NRP2: variants seen among roughly 807,000 people sequenced by gnomAD.
The protein encoded by NRP2 is neuropilin-2.
Under a neutral mutation model 110.4 loss-of-function variants are expected in NRP2, and 52 were observed. The ratio of observed to expected loss-of-function variants is 0.47; its 90% CI spans 0.38 to 0.59. The LOEUF (loss-of-function observed/expected upper bound fraction) is 0.59, where lower values mean the gene tolerates loss of function less well. Ranked by LOEUF, NRP2 falls within the 20% of genes least tolerant of loss-of-function variation. NRP2 has a pLI of 0.00. For missense variants in NRP2, 1,049 were observed against 1,203.0 expected (o/e 0.87, Z 1.89); for synonymous variants, 508 against 468.9 (o/e 1.08, Z -1.08).
intron 12 of NRP2, among the ~76,000 whole-genome samples, chr2:205,754,081 A>G (rs918595210): frequency 6.6e-6 from 1 of 152,242 alleles, no homozygotes; most frequent in Non-Finnish European, 1.5e-5. Flanking sequence ...AAGCTGGTAC[A>G]CCTTGGATCT....
At chr2:205,758,737 G>T (rs1559352666) in intron 12 of NRP2, among the ~76,000 whole-genome samples, 1 of 152,174 alleles carries the variant, frequency 6.6e-6, no homozygotes, top group African/African-American at 2.4e-5. Flanking sequence ...ATCTCTTTCA[G>T]CAATGGAACA....
intron 15 of NRP2, among the ~76,000 whole-genome samples, chr2:205,788,914 T>C (rs145908810): frequency 0.019 from 2,879 of 152,292 alleles, 34 homozygotes; most frequent in Non-Finnish European, 0.03. Context: ...TTAGGCTGGT[T>C]AGTTGGTTAA....
At position 205,772,296 on chromosome 2, in the gene NRP2, C is replaced by T. The variant is rs956722718; in HGVS notation, c.2425+5493C>T. ...CACGTTTCCCAATTGCATAGTGACC[C>T]TATTTGCAGATAGGAATGACCGGAA... On this transcript the variant is annotated intron_variant, in intron 15 of 16. Coordinates refer to ENST00000357785, the MANE Select transcript of NRP2 (RefSeq NM_003872.3). Among the ~76,000 whole-genome samples, 9 of 152,342 alleles carry T rather than the reference C, an allele frequency of 5.9e-5. No individual in the cohort carries two copies. The South Asian group carries it at 1.9e-3, about 32-fold the overall frequency.
intron 10 of NRP2, among the ~76,000 whole-genome samples, chr2:205,748,519 G>A (rs746006030): frequency 1.3e-5 from 2 of 152,220 alleles, no homozygotes; most frequent in Non-Finnish European, 2.9e-5. Context: ...CACAGCAAAG[G>A]GAAGTATGAA....
intron 11 of NRP2, chr2:205,752,495 T>G: frequency 2.9e-6 from 1 of 349,496 alleles, no homozygotes. Context: ...GGGGAGACAT[T>G]CTTCTCTGGC....
intron 1 of NRP2, among the ~76,000 whole-genome samples, chr2:205,684,132 AG>A (rs2056086210): frequency 6.6e-6 from 1 of 152,236 alleles, no homozygotes; most frequent in Non-Finnish European, 1.5e-5. Flanking sequence ...ACTGCCAAAA[AG>A]GGTGTGTGGA....
chr2:205,747,861 T>C (rs1996412), intron 10 of NRP2, among the ~76,000 whole-genome samples: 57,324 of 151,966 alleles, frequency 0.38, 13,205 homozygotes, highest in Non-Finnish European at 0.51. Context: ...ACACTGGTGA[T>C]GGTCAGTGAC....
At chr2:205,762,358 T>A (rs540745157) in intron 12 of NRP2, 3 of 152,248 alleles carry the variant, frequency 2.0e-5, no homozygotes, top group Non-Finnish European at 4.4e-5. Flanking sequence ...GGGCCACTGA[T>A]GGGAGGTCCA....
intron 2 of NRP2, among the ~76,000 whole-genome samples, chr2:205,710,644 G>A (rs949722): frequency 0.052 from 7,978 of 152,310 alleles, 269 homozygotes; most frequent in Middle Eastern, 0.11. Context: ...GGCCTGAACC[G>A]ACCAGAGACC....
chr2:205,686,057 A>G lies in NRP2; in HGVS notation c.73+2694A>G, dbSNP rs1454867002. ...CCCTCCCTCCCCTTCCCCGCCCCCC[A>G]GCGCCTTCTCTAACGCCGCATCGAT... On this transcript the variant is annotated intron_variant, in intron 1 of 16. Coordinates refer to ENST00000357785, the MANE Select transcript of NRP2 (RefSeq NM_003872.3). This position sits in a 1 kb window ranked among gnomAD's most constrained non-coding sequence, Gnocchi z 4.7. Among the ~76,000 whole-genome samples the G allele has an allele frequency of 9.1e-6, 1 of 110,012 alleles. No homozygotes were observed. The highest frequency in any genetic ancestry group is 9.6e-5 in the Admixed American group (1 of 10,446). 72.2% of individuals were successfully genotyped at this position (110,012 alleles called of 152,430 possible).
chr2:205,734,640 CTGGCTT>C, intron 7 of NRP2, among the ~76,000 whole-genome samples: 1 of 152,208 alleles, frequency 6.6e-6, no homozygotes, highest in Non-Finnish European at 1.5e-5. Flanking sequence ...AAACATGCTT[CTGGCTT>C]CCCCCAGCCT....
At chr2:205,711,218 G>C (rs1399350175) in intron 2 of NRP2, among the ~76,000 whole-genome samples, 2 of 152,184 alleles carry the variant, frequency 1.3e-5, no homozygotes, top group Non-Finnish European at 2.9e-5. Flanking sequence ...AAGTGAATGA[G>C]ACCTCCTACA....
At position 205,716,358 on chromosome 2, in the gene NRP2, C is replaced by T. The variant is rs775207599; in HGVS notation, c.417C>T (p.Tyr139=). Residue 139 remains tyrosine (Y), a synonymous_variant, in exon 3 of 17, where the codon TAC becomes TAT. Coordinates refer to ENST00000357785, the MANE Select transcript of NRP2 (RefSeq NM_003872.3). ...ARQGAGFSLR[Y]EIFKTGSEDC... ...AGGGGGCAGGCTTCTCTCTGCGCTA[C>T]GAGATCTTCAAGACAGGTCAGTGTG... 9.9e-6 allele frequency: 16 copies of T among 1,614,016 alleles called. No homozygotes were observed. Among genetic ancestry groups the T allele is most frequent in the East Asian group, 4.5e-5 (2 of 44,876 alleles).
At chr2:205,764,065 G>A in intron 13 of NRP2, 129 bp downstream of exon 13, 1 of 1,156,662 alleles carries the variant, frequency 8.6e-7, no homozygotes, top group Non-Finnish European at 1.2e-6. Context: ...CATGGCAACT[G>A]AATGACACTC....
chr2:205,748,612 C>T (rs946127402), intron 10 of NRP2, among the ~76,000 whole-genome samples: 2 of 152,196 alleles, frequency 1.3e-5, no homozygotes, highest in African/African-American at 4.8e-5. Flanking sequence ...CAATTTCCTC[C>T]AGCTCCTGGC....
At chr2:205,726,126 G>A (rs374586873) in intron 6 of NRP2, 44 bp downstream of exon 6, 2 of 1,603,542 alleles carry the variant, frequency 1.2e-6, no homozygotes, top group African/African-American at 2.7e-5. Flanking sequence ...TGTATGTATT[G>A]CTGGGGTAGG....
chr2:205,746,183 T>C (rs1483980152), intron 10 of NRP2, among the ~76,000 whole-genome samples: 1 of 152,212 alleles, frequency 6.6e-6, no homozygotes, highest in Non-Finnish European at 1.5e-5. Flanking sequence ...AATTAGACCC[T>C]GGCTCTTCAG....
At position 205,700,117 on chromosome 2, in the gene NRP2, T is replaced by A. The variant is rs569687896; in HGVS notation, c.251+2396T>A. Among the ~76,000 whole-genome samples, 64 of 152,300 alleles carry A rather than the reference T, an allele frequency of 4.2e-4. 1 individual carries two copies. The highest frequency in any genetic ancestry group is 1.5e-3 in the African/African-American group (61 of 41,566). On this transcript the variant is annotated intron_variant, in intron 2 of 16. Transcript: ENST00000357785. ...TGGGCTTCCCCTCCCCACTGCCTTGTTTTACTTTCTTGTGAAAGGAACAAT... is the reference window on the plus strand; with the variant it reads ...TGGGCTTCCCCTCCCCACTGCCTTGATTTACTTTCTTGTGAAAGGAACAAT...
chr2:205,790,163 T>A (rs1296099509), intron 15 of NRP2, among the ~76,000 whole-genome samples: 1 of 152,210 alleles, frequency 6.6e-6, no homozygotes, highest in Non-Finnish European at 1.5e-5. Context: ...ATTCTCCAGG[T>A]GCAGAAATCT....
Sources: allele counts gnomAD v4.1 joint callset (sites outside exome capture counted in the v4.1 genomes callset), GRCh38; gene constraint gnomAD v4.1.1; non-coding constraint Gnocchi (gnomAD v3.1); transcripts MANE v1.5; gene names NCBI Gene and HGNC (gene_info 2026-07-23, HGNC 2026-07-21).